TRMO: variants seen among roughly 807,000 people sequenced by gnomAD.
TRMO encodes tRNA methyltransferase O.
Under a neutral mutation model 37.2 loss-of-function variants are expected in TRMO, and 30 were observed. The ratio of observed to expected loss-of-function variants is 0.81; its 90% CI spans 0.60 to 1.09. The LOEUF is 1.09. TRMO is among the 50% of genes least tolerant of loss of function. The probability of loss-of-function intolerance (pLI) is 0.00; values close to 1 mark genes in which losing one functional copy is unlikely to be tolerated. For missense variants in TRMO, 552 were observed against 549.5 expected, an observed-to-expected ratio of 1.00 and a Z score of -0.05; for synonymous variants, 239 against 199.4, an observed-to-expected ratio of 1.20 and a Z score of -1.67.
At chr9:97,902,608 CCTT>C (rs1319901229), downstream of TRMO, among the ~76,000 whole-genome samples, 1 of 152,052 alleles carries the variant, frequency 6.6e-6, no homozygotes, top group African/African-American at 2.4e-5. Context: ...AGCCTAAAAT[CCTT>C]CTTAGCTCTA....
chr9:97,899,067 C>T, the TRMO span, among the ~76,000 whole-genome samples: 21 of 151,700 alleles, frequency 1.4e-4, no homozygotes, highest in Middle Eastern at 6.8e-3. Flanking sequence ...CTCGATCTCC[C>T]GACCTCGTGA....
intron 1 of TRMO, among the ~76,000 whole-genome samples, chr9:97,916,869 C>CT (rs572431064): frequency 0.18 from 25,123 of 138,152 alleles, 2,900 homozygotes; most frequent in Non-Finnish European, 0.26. Context: ...CCACGCTCAA[C>CT]TTTTTTTTTT....
chr9:97,900,682 C>T (rs140442924), downstream of TRMO: 22 of 747,886 alleles, frequency 2.9e-5, no homozygotes, highest in Admixed American at 6.3e-5. Context: ...ACCCAATGTA[C>T]GAAAAGCACA....
At position 97,922,406 on chromosome 9, in the gene TRMO, G is replaced by A; in HGVS notation, c.76+12C>T. 6.4e-7 allele frequency: 1 copy of A among 1,553,674 alleles called. No homozygotes were observed. Among genetic ancestry groups the A allele is most frequent in the Non-Finnish European group, 8.8e-7 (1 of 1,141,288 alleles). Reference sequence around the variant, plus strand: ...CTCTCCAGAGTGTGGCACCGCCGGTGTTGGAAGTTACCTGTCTCCAGAGCC... The same window carrying A: ...CTCTCCAGAGTGTGGCACCGCCGGTATTGGAAGTTACCTGTCTCCAGAGCC... On this transcript the variant is annotated intron_variant, in intron 1 of 4. Transcript: ENST00000375119.
At chr9:97,922,379 A>C (rs1437764662) in intron 1 of TRMO, 39 bp downstream of exon 1, 2 of 1,406,244 alleles carry the variant, frequency 1.4e-6, no homozygotes. Context: ...CTGGGCCTAA[A>C]CCTCTCCAGA....
intron 4 of TRMO, among the ~76,000 whole-genome samples, chr9:97,907,399 A>T (rs1407592563): frequency 6.6e-6 from 1 of 152,030 alleles, no homozygotes; most frequent in Admixed American, 6.5e-5. Context: ...CAACTTTTAG[A>T]CTTCTTTTTC....
chr9:97,908,200 C>T (rs1419875296), intron 4 of TRMO, among the ~76,000 whole-genome samples: 1 of 152,138 alleles, frequency 6.6e-6, no homozygotes, highest in African/African-American at 2.4e-5. Flanking sequence ...ATCACAAGGT[C>T]AGGAGATCGA....
chr9:97,921,331 G>T (rs985756738), intron 1 of TRMO, among the ~76,000 whole-genome samples: 1 of 152,196 alleles, frequency 6.6e-6, no homozygotes, highest in Non-Finnish European at 1.5e-5. Flanking sequence ...TAAGGCAGGT[G>T]GATTGCTTAA....
downstream of TRMO, among the ~76,000 whole-genome samples, chr9:97,900,088 A>G (rs1249301632): frequency 1.3e-5 from 2 of 152,164 alleles, no homozygotes; most frequent in African/African-American, 2.4e-5. Flanking sequence ...AACAGAAGCC[A>G]TTCATACATT....
intron 3 of TRMO, 141 bp downstream of exon 3, chr9:97,913,260 T>C (rs1826206812): frequency 1.1e-6 from 1 of 948,898 alleles, no homozygotes; most frequent in Non-Finnish European, 1.7e-6. Context: ...TTAATCATTG[T>C]ATTTTCTTCA....
At chr9:97,899,841 T>C (rs1269266997), downstream of TRMO, among the ~76,000 whole-genome samples, 2 of 151,902 alleles carry the variant, frequency 1.3e-5, no homozygotes, top group Non-Finnish European at 2.9e-5. Flanking sequence ...TGTAGTGAGC[T>C]ATGACTGAGC....
At chr9:97,899,401 T>C in the TRMO span, among the ~76,000 whole-genome samples, 2 of 151,156 alleles carry the variant, frequency 1.3e-5, no homozygotes, top group African/African-American at 4.9e-5. Context: ...TATTGCTTGG[T>C]AAAAATAGTC....
chr9:97,916,447 C>T (rs1434951775), intron 1 of TRMO, 109 bp from the exon 2 acceptor site: 8 of 721,388 alleles, frequency 1.1e-5, no homozygotes, highest in Admixed American at 3.0e-5. Flanking sequence ...ATCTTAGTGT[C>T]GTGCAACTAT....
At chr9:97,911,241 T>C (rs1481114522) in intron 3 of TRMO, 1 of 184,930 alleles carries the variant, frequency 5.4e-6, no homozygotes, top group South Asian at 7.8e-5. Context: ...GACTATGCTT[T>C]TCATTAGCAC....
intron 3 of TRMO, chr9:97,912,950 CATG>C (rs1387398311): frequency 7.7e-7 from 1 of 1,303,870 alleles, no homozygotes; most frequent in Admixed American, 2.3e-5. Context: ...GCACTGCAGC[CATG>C]ATATCTGTCC....
chr9:97,899,366 T>C, the TRMO span, among the ~76,000 whole-genome samples: 1 of 152,154 alleles, frequency 6.6e-6, no homozygotes, highest in Non-Finnish European at 1.5e-5. Context: ...GAGCACTTTG[T>C]GATACTTCCC....
chr9:97,918,282 T>C (rs964894681), intron 1 of TRMO, among the ~76,000 whole-genome samples: 4 of 149,942 alleles, frequency 2.7e-5, no homozygotes, highest in African/African-American at 7.4e-5. Context: ...TCCCAGCTAC[T>C]CAGGAAACTG....
intron 1 of TRMO, among the ~76,000 whole-genome samples, chr9:97,917,663 C>T (rs1266523919): frequency 6.6e-6 from 1 of 151,972 alleles, no homozygotes; most frequent in Admixed American, 6.6e-5. Flanking sequence ...GCACCACATG[C>T]TGTGTTTTAT....
downstream of TRMO, among the ~76,000 whole-genome samples, chr9:97,902,681 C>T (rs995280938): frequency 9.9e-5 from 15 of 152,128 alleles, no homozygotes; most frequent in African/African-American, 3.6e-4. Flanking sequence ...GTTATAAGGC[C>T]GTTGGTTACC....
Sources: gnomAD v4.1 joint callset for allele counts (sites outside exome capture counted in the v4.1 genomes callset) on GRCh38, gnomAD v4.1.1 for gene constraint, MANE v1.5 for transcripts, NCBI Gene and HGNC (gene_info 2026-07-23, HGNC 2026-07-21) for gene names.